RIMS2: variants seen among roughly 807,000 people sequenced by gnomAD.
RIMS2 encodes regulating synaptic membrane exocytosis 2, also known as regulating synaptic membrane exocytosis protein 2.
A neutral mutation model predicts 174.4 loss-of-function variants in RIMS2; 59 were observed. The ratio of observed to expected loss-of-function variants is 0.34; its 90% CI spans 0.27 to 0.42. The LOEUF is 0.42. Among genes scored for constraint, RIMS2 ranks in the 10% least tolerant of loss-of-function variants. RIMS2 has a pLI of 1.00. For synonymous variants in RIMS2, 606 were observed against 572.5 expected, an observed-to-expected ratio of 1.06 and a Z score of -0.84; for missense variants, 1,620 against 1,666.3, an observed-to-expected ratio of 0.97 and a Z score of 0.48.
chr8:104,015,216 T>G (rs1166749647), intron 19 of RIMS2, among the ~76,000 whole-genome samples: 1 of 152,242 alleles, frequency 6.6e-6, no homozygotes, highest in Non-Finnish European at 1.5e-5. Flanking sequence ...TAATGGTTTT[T>G]AAGATCATTT....
chr8:103,713,422 A>AC (rs2097332115), intron 2 of RIMS2, among the ~76,000 whole-genome samples: 1 of 140,872 alleles, frequency 7.1e-6, no homozygotes, highest in Non-Finnish European at 1.6e-5. Context: ...TGCTGGAAGA[A>AC]CCCACAAATC....
intron 19 of RIMS2, among the ~76,000 whole-genome samples, chr8:104,145,187 A>G (rs978984430): frequency 2.0e-5 from 3 of 152,102 alleles, no homozygotes; most frequent in Non-Finnish European, 4.4e-5. Flanking sequence ...AAATCTGTAC[A>G]CATTGCTAAG....
At chr8:103,704,895 T>G (rs2097207243) in intron 2 of RIMS2, among the ~76,000 whole-genome samples, 1 of 151,958 alleles carries the variant, frequency 6.6e-6, no homozygotes, top group South Asian at 2.1e-4. Flanking sequence ...TTTGTTTACA[T>G]TTTCAAAAAG....
Position 104,031,636 on chromosome 8 carries a change from A to G in RIMS2, c.3334+17021A>G, listed in dbSNP as rs148456282. Among the ~76,000 whole-genome samples, 154 of 152,286 alleles carry G rather than the reference A, an allele frequency of 1.0e-3. 1 individual carries two copies. In the East Asian group the frequency reaches 0.021, roughly 21 times the overall value. ...TAGATTCTTGTTATGCATATTATCT[A>G]ATGTTTCTGATAAGCCCTGATTATT... is the stretch of plus-strand genomic sequence containing the variant. On this transcript the variant is annotated intron_variant, in intron 19 of 23. Transcript: ENST00000504942.
At chr8:103,916,373 A>C in intron 7 of RIMS2, 41 bp from the exon 11 acceptor site, 1 of 1,506,316 alleles carries the variant, frequency 6.6e-7, no homozygotes, top group Non-Finnish European at 9.0e-7. Context: ...TGTCAGATCA[A>C]ATTTTCTGTA....
intron 3 of RIMS2, among the ~76,000 whole-genome samples, chr8:103,883,246 C>T (rs2099178246): frequency 6.6e-6 from 1 of 151,666 alleles, no homozygotes; most frequent in Non-Finnish European, 1.5e-5. Context: ...AAAGCACAAA[C>T]TCCTAAGGAT....
chr8:103,572,922 A>C (rs2092938844), intron 1 of RIMS2, among the ~76,000 whole-genome samples: 1 of 152,010 alleles, frequency 6.6e-6, no homozygotes, highest in Admixed American at 6.6e-5. Flanking sequence ...CCCAGTTGTC[A>C]ATTTTTGTCT....
intron 1 of RIMS2, among the ~76,000 whole-genome samples, chr8:103,687,591 A>C (rs938914963): frequency 4.6e-5 from 7 of 152,102 alleles, no homozygotes; most frequent in Admixed American, 1.3e-4. Context: ...AACTATAGAC[A>C]TCATGTTGTA....
At chr8:103,531,187 C>T (rs1433863504) in intron 1 of RIMS2, among the ~76,000 whole-genome samples, 1 of 151,826 alleles carries the variant, frequency 6.6e-6, no homozygotes, top group African/African-American at 2.4e-5. Context: ...CTTTAATGTG[C>T]ACACTAAACA....
chr8:103,816,854 G>A (rs2098721305), intron 3 of RIMS2, among the ~76,000 whole-genome samples: 1 of 152,094 alleles, frequency 6.6e-6, no homozygotes, highest in Non-Finnish European at 1.5e-5. Context: ...CCACTTCGAT[G>A]CTTTTTCTAT....
chr8:103,519,703 C>T (rs1830684328), intron 1 of RIMS2, among the ~76,000 whole-genome samples: 1 of 146,622 alleles, frequency 6.8e-6, no homozygotes, highest in South Asian at 2.2e-4. Flanking sequence ...TCTCTCAGAT[C>T]TCTCAGTACA....
At chr8:103,783,365 A>G (rs1193208438) in intron 3 of RIMS2, among the ~76,000 whole-genome samples, 2 of 148,888 alleles carry the variant, frequency 1.3e-5, no homozygotes, top group African/African-American at 5.0e-5. Flanking sequence ...GGTGCGCTGC[A>G]CCCACTAACT....
At chr8:103,800,786 G>C (rs997767165) in intron 3 of RIMS2, among the ~76,000 whole-genome samples, 1 of 152,090 alleles carries the variant, frequency 6.6e-6, no homozygotes, top group Non-Finnish European at 1.5e-5. Context: ...GTTGTATGTA[G>C]TTTCCTTTCC....
intron 19 of RIMS2, chr8:104,223,865 G>A: frequency 1.5e-6 from 2 of 1,295,212 alleles, no homozygotes; most frequent in Non-Finnish European, 2.2e-6. Context: ...GGTTGGCCGG[G>A]GCAGAGAGAA....
Position 104,250,148 on chromosome 8 carries a change from A to G in RIMS2, c.3691+560A>G, listed in dbSNP as rs184179843. Among the ~76,000 whole-genome samples, 140 of 152,364 alleles carry G rather than the reference A, an allele frequency of 9.2e-4. 1 individual carries two copies. Among genetic ancestry groups the G allele is most frequent in the Admixed American group, 8.9e-3 (136 of 15,310 alleles). ...TTTTAATCTAAGGTGCATTGAAGCC[A>G]TGGAAGGTGCTACAGTGCTCCAAAT... is the stretch of plus-strand genomic sequence containing the variant. On this transcript the variant is annotated intron_variant, in intron 22 of 23. Coordinates refer to ENST00000504942, the Ensembl canonical transcript of RIMS2.
At chr8:104,124,008 G>A (rs2098407514) in intron 19 of RIMS2, among the ~76,000 whole-genome samples, 1 of 152,060 alleles carries the variant, frequency 6.6e-6, no homozygotes, top group East Asian at 1.9e-4. Context: ...AAGTGGACCT[G>A]TGCAATTACA....
At chr8:103,830,026 T>G (rs1400299357) in intron 3 of RIMS2, among the ~76,000 whole-genome samples, 1 of 151,904 alleles carries the variant, frequency 6.6e-6, no homozygotes, top group Admixed American at 6.6e-5. Context: ...GTTGACTAAT[T>G]TGTTGTTATA....
chr8:103,669,937 AGT>A (rs914151036), intron 1 of RIMS2, among the ~76,000 whole-genome samples: 2 of 152,214 alleles, frequency 1.3e-5, no homozygotes, highest in African/African-American at 2.4e-5. Context: ...GCAGTGCCCC[AGT>A]GTGGACTCTG....
intron 1 of RIMS2, among the ~76,000 whole-genome samples, chr8:103,599,908 T>C (rs1176434315): frequency 5.9e-5 from 9 of 152,198 alleles, no homozygotes; most frequent in African/African-American, 2.2e-4. Context: ...CCAATTATAC[T>C]CTTGTAGTTA....
Sources: gnomAD v4.1 joint callset for allele counts (sites outside exome capture counted in the v4.1 genomes callset) on GRCh38, gnomAD v4.1.1 for gene constraint, MANE v1.5 for transcripts, NCBI Gene and HGNC (gene_info 2026-07-23, HGNC 2026-07-21) for gene names.